Variants in NKAIN2 observed in about 807,000 individuals in gnomAD.
The protein encoded by NKAIN2 is sodium/potassium-transporting ATPase subunit beta-1-interacting protein 2.
A neutral mutation model predicts 32.6 loss-of-function variants in NKAIN2; 14 were observed. That is an observed-to-expected ratio of 0.43 (90% CI 0.28 to 0.67). The LOEUF is 0.67. Among genes scored for constraint, NKAIN2 ranks in the 30% least tolerant of loss-of-function variants. The pLI, the probability that NKAIN2 is intolerant of heterozygous loss-of-function variation, is 0.17. For synonymous variants in NKAIN2, 80 were observed against 87.2 expected, an observed-to-expected ratio of 0.92 and a Z score of 0.46; for missense variants, 198 against 258.3, an observed-to-expected ratio of 0.77 and a Z score of 1.60.
chr6:124,538,686 A>C (rs1048606736), intron 3 of NKAIN2, among the ~76,000 whole-genome samples: 16 of 151,998 alleles, frequency 1.1e-4, no homozygotes, highest in African/African-American at 3.6e-4. Flanking sequence ...AACCCCTCAA[A>C]CTAATAATTG....
chr6:124,733,916 A>G (rs537292048), intron 4 of NKAIN2, among the ~76,000 whole-genome samples: 2 of 151,850 alleles, frequency 1.3e-5, no homozygotes, highest in African/African-American at 4.8e-5. Context: ...CTCAGTAGCA[A>G]TGGGCACATC....
intron 1 of NKAIN2, among the ~76,000 whole-genome samples, chr6:124,259,801 G>A (rs1414610136): frequency 6.6e-6 from 1 of 152,064 alleles, no homozygotes; most frequent in Non-Finnish European, 1.5e-5. Context: ...TGCTGCAGGT[G>A]GGGTGATCTC....
intron 1 of NKAIN2, among the ~76,000 whole-genome samples, chr6:124,118,030 G>A (rs1409867208): frequency 1.3e-5 from 2 of 151,850 alleles, no homozygotes; most frequent in African/African-American, 4.8e-5. Context: ...TTTCAACTGA[G>A]GTCTTTGTGA....
At chr6:124,751,606 T>G (rs1448272210) in intron 4 of NKAIN2, among the ~76,000 whole-genome samples, 1 of 151,762 alleles carries the variant, frequency 6.6e-6, no homozygotes, top group African/African-American at 2.4e-5. Context: ...CATTAGCAAA[T>G]TGCACTGAAC....
At chr6:124,102,150 A>G (rs1189050148) in intron 1 of NKAIN2, among the ~76,000 whole-genome samples, 1 of 152,208 alleles carries the variant, frequency 6.6e-6, no homozygotes, top group African/African-American at 2.4e-5. Context: ...CTCTTAGTAC[A>G]TAGGAAATGG....
At chr6:123,854,669 G>A (rs923867112) in intron 1 of NKAIN2, among the ~76,000 whole-genome samples, 3 of 152,098 alleles carry the variant, frequency 2.0e-5, no homozygotes, top group Admixed American at 2.0e-4. Context: ...AGTAAGATTA[G>A]CCTTAGAGTA....
At chr6:124,166,696 A>G (rs1399090194) in intron 1 of NKAIN2, among the ~76,000 whole-genome samples, 5 of 152,026 alleles carry the variant, frequency 3.3e-5, no homozygotes, top group South Asian at 4.2e-4. Flanking sequence ...ATTTTTGTAT[A>G]AGGTGTAAGG....
intron 1 of NKAIN2, among the ~76,000 whole-genome samples, chr6:124,183,735 C>A (rs972653377): frequency 2.0e-5 from 3 of 152,068 alleles, no homozygotes; most frequent in African/African-American, 4.8e-5. Context: ...TCATGCCCTG[C>A]AAGTTTTTTC....
intron 3 of NKAIN2, among the ~76,000 whole-genome samples, chr6:124,449,053 G>A (rs1288598261): frequency 6.6e-6 from 1 of 151,980 alleles, no homozygotes; most frequent in East Asian, 1.9e-4. Context: ...AAATTTCAAA[G>A]GCAGCCACAC....
chr6:123,888,382 G>A (rs1396347854), intron 1 of NKAIN2, among the ~76,000 whole-genome samples: 2 of 152,064 alleles, frequency 1.3e-5, no homozygotes, highest in African/African-American at 4.8e-5. Flanking sequence ...CTTTTGAATT[G>A]ATGGTTTTTA....
intron 1 of NKAIN2, among the ~76,000 whole-genome samples, chr6:124,081,496 T>G (rs1783967260): frequency 1.3e-5 from 2 of 152,090 alleles, no homozygotes; most frequent in African/African-American, 4.8e-5. Flanking sequence ...ATCTTTAGAA[T>G]GTCTAAATAA....
chr6:124,597,395 TAATA>T (rs1482768564), intron 3 of NKAIN2, among the ~76,000 whole-genome samples: 1 of 151,322 alleles, frequency 6.6e-6, no homozygotes, highest in African/African-American at 2.4e-5. Flanking sequence ...TATAAAGTAT[TAATA>T]AATAATATTA....
rs189422218 is a variant in NKAIN2, at chr6:123,911,940, T to C, written c.54+107686T>C. On this transcript the variant is annotated intron_variant, in intron 1 of 6. Transcript: ENST00000368417. ...AATTTTACAGGTATTTTTCACTGAA[T>C]TCAGTCTATGTTTTGGACTAAAGTT... Among the ~76,000 whole-genome samples, 9 of 150,764 alleles carry C rather than the reference T, an allele frequency of 6.0e-5. No homozygotes were observed. In the East Asian group the frequency reaches 1.8e-3, roughly 30 times the overall value.
rs192240615 is a variant in NKAIN2 at position 124,805,318 on chromosome 6, G to A, written c.536-13069G>A. ...ACTTCCAGAGGAACGATCAGACAGC[G>A]GCATTCGCGGTTCACAAAAAACCAC... On this transcript the variant is annotated intron_variant, in intron 5 of 6. Transcript: ENST00000368417. Among the ~76,000 whole-genome samples the A allele has an allele frequency of 4.5e-3, 691 of 152,160 alleles. 4 individuals carry two copies. Among genetic ancestry groups the A allele is most frequent in the African/African-American group, 0.016 (646 of 41,496 alleles).
chr6:124,667,834 C>G (rs1200698213), intron 4 of NKAIN2, among the ~76,000 whole-genome samples: 3 of 152,098 alleles, frequency 2.0e-5, no homozygotes, highest in Non-Finnish European at 4.4e-5. Flanking sequence ...GGCAGACACA[C>G]TTAAGCTAAA....
At chr6:124,239,131 T>C (rs1792937314) in intron 1 of NKAIN2, among the ~76,000 whole-genome samples, 1 of 152,064 alleles carries the variant, frequency 6.6e-6, no homozygotes, top group South Asian at 2.1e-4. Context: ...AAACAGACTT[T>C]AAACCAACAA....
intron 4 of NKAIN2, among the ~76,000 whole-genome samples, chr6:124,702,958 T>C (rs897682688): frequency 9.9e-5 from 15 of 152,140 alleles, no homozygotes; most frequent in Admixed American, 2.0e-4. Flanking sequence ...ACATTTTTAT[T>C]TGAAAACAAA....
intron 1 of NKAIN2, among the ~76,000 whole-genome samples, chr6:124,124,685 T>C (rs1786073036): frequency 6.6e-6 from 1 of 152,146 alleles, no homozygotes; most frequent in African/African-American, 2.4e-5. Context: ...TACGCCTGTC[T>C]TTGTATTGTT....
chr6:123,888,682 C>T (rs1773852869), intron 1 of NKAIN2, among the ~76,000 whole-genome samples: 1 of 151,966 alleles, frequency 6.6e-6, no homozygotes, highest in Non-Finnish European at 1.5e-5. Flanking sequence ...AGCAACTGGT[C>T]TTTGTTTTCT....
Sources: gnomAD v4.1 joint callset for allele counts (sites outside exome capture counted in the v4.1 genomes callset) on GRCh38, gnomAD v4.1.1 for gene constraint, MANE v1.5 for transcripts, NCBI Gene and HGNC (gene_info 2026-07-23, HGNC 2026-07-21) for gene names.